The following MARCHF1 variants were observed in gnomAD, a reference collection of about 807,000 sequenced individuals.
MARCHF1 encodes the protein membrane associated ring-CH-type finger 1, also known as E3 ubiquitin-protein ligase MARCHF1.
MARCHF1 carries 40 observed loss-of-function variants against 54.2 expected under a neutral mutation model. The observed-to-expected ratio is 0.74, with a 90% CI of 0.57 to 0.96. MARCHF1 has a LOEUF of 0.96. Ranked by LOEUF, MARCHF1 falls within the 40% of genes least tolerant of loss-of-function variation. The pLI, the probability that MARCHF1 is intolerant of heterozygous loss-of-function variation, is 0.00. For synonymous variants in MARCHF1, 236 were observed against 236.3 expected (o/e 1.00, Z 0.01); for missense variants, 586 against 656.5 (o/e 0.89, Z 1.17).
chr4:163,972,863 T>C (rs763367000), intron 3 of MARCHF1, among the ~76,000 whole-genome samples: 28 of 152,090 alleles, frequency 1.8e-4, no homozygotes, highest in Non-Finnish European at 3.7e-4. Flanking sequence ...GGCCTTAATG[T>C]ATATGTTTAA....
chr4:164,222,465 G>A (rs1732142348), intron 1 of MARCHF1, among the ~76,000 whole-genome samples: 1 of 151,938 alleles, frequency 6.6e-6, no homozygotes, highest in African/African-American at 2.4e-5. Context: ...TTTGTAAAGG[G>A]AAAAATGGCT....
intron 5 of MARCHF1, among the ~76,000 whole-genome samples, chr4:163,678,906 A>G (rs1324113659): frequency 3.3e-5 from 5 of 152,206 alleles, no homozygotes; most frequent in African/African-American, 1.2e-4. Flanking sequence ...TGTAGATAAA[A>G]TAATTTTATT....
At chr4:163,953,356 G>C (rs926813755) in intron 3 of MARCHF1, among the ~76,000 whole-genome samples, 1 of 152,082 alleles carries the variant, frequency 6.6e-6, no homozygotes, top group Non-Finnish European at 1.5e-5. Context: ...TTTAAGGCTT[G>C]ATTTTTTCTC....
At chr4:164,267,993 A>G (rs1335838764) in intron 1 of MARCHF1, among the ~76,000 whole-genome samples, 1 of 147,686 alleles carries the variant, frequency 6.8e-6, no homozygotes, top group Admixed American at 6.7e-5. Context: ...GCCAGGTAGG[A>G]AAAAAAAATC....
At chr4:163,918,099 A>T (rs1436333364) in intron 3 of MARCHF1, among the ~76,000 whole-genome samples, 2 of 151,942 alleles carry the variant, frequency 1.3e-5, no homozygotes, top group Admixed American at 1.3e-4. Context: ...TCCACTTTCA[A>T]TTTTCTGTAT....
intron 3 of MARCHF1, among the ~76,000 whole-genome samples, chr4:163,897,841 G>A (rs1750845281): frequency 1.3e-5 from 2 of 151,884 alleles, no homozygotes; most frequent in Non-Finnish European, 2.9e-5. Flanking sequence ...TGGATCACGA[G>A]GTCAGGAGAT....
intron 8 of MARCHF1, among the ~76,000 whole-genome samples, chr4:163,561,892 G>A (rs1041256678): frequency 6.6e-6 from 1 of 152,070 alleles, no homozygotes; most frequent in Non-Finnish European, 1.5e-5. Context: ...CTACTGACTT[G>A]CTTACTTCTT....
At chr4:163,709,897 T>A (rs1164612595) in intron 4 of MARCHF1, among the ~76,000 whole-genome samples, 1 of 152,174 alleles carries the variant, frequency 6.6e-6, no homozygotes, top group Non-Finnish European at 1.5e-5. Context: ...TATTTCAAAT[T>A]GTAAAGCACT....
chr4:163,548,333 T>C (rs78504898), intron 8 of MARCHF1, among the ~76,000 whole-genome samples: 1,992 of 152,302 alleles, frequency 0.013, 36 homozygotes, highest in African/African-American at 0.045. Flanking sequence ...GAAATATTCA[T>C]ATCAAATCAA....
chr4:163,808,328 C>A (rs1220825165), intron 4 of MARCHF1, among the ~76,000 whole-genome samples: 2 of 152,110 alleles, frequency 1.3e-5, no homozygotes, highest in Non-Finnish European at 2.9e-5. Flanking sequence ...GCAGGCCTGC[C>A]CCAGCTTAAC....
chr4:163,838,873 C>A (rs1403453532), intron 4 of MARCHF1, among the ~76,000 whole-genome samples: 1 of 151,930 alleles, frequency 6.6e-6, no homozygotes, highest in Non-Finnish European at 1.5e-5. Flanking sequence ...ACACTAACAG[C>A]ACCGGTGATA....
chr4:164,064,254 G>A (rs1478655641), intron 2 of MARCHF1, among the ~76,000 whole-genome samples: 2 of 152,126 alleles, frequency 1.3e-5, no homozygotes, highest in Admixed American at 6.5e-5. Context: ...GTTTTGGGTG[G>A]TATGGCCATT....
intron 3 of MARCHF1, among the ~76,000 whole-genome samples, chr4:163,867,621 T>A (rs945345404): frequency 1.3e-5 from 2 of 151,834 alleles, no homozygotes; most frequent in Non-Finnish European, 2.9e-5. Context: ...CTACCAAGGC[T>A]TTCTTTTTTT....
At chr4:163,895,163 G>C (rs1372678892) in intron 3 of MARCHF1, among the ~76,000 whole-genome samples, 1 of 152,134 alleles carries the variant, frequency 6.6e-6, no homozygotes, top group African/African-American at 2.4e-5. Context: ...AGACGTATGT[G>C]TGTATAACAA....
chr4:163,665,805 T>C (rs1400975887), intron 5 of MARCHF1, among the ~76,000 whole-genome samples: 2 of 152,182 alleles, frequency 1.3e-5, no homozygotes, highest in Non-Finnish European at 2.9e-5. Context: ...ATTATACATT[T>C]GTCTAAAAAC....
At chr4:164,178,852 T>A (rs28742886) in intron 1 of MARCHF1, among the ~76,000 whole-genome samples, 1,887 of 152,246 alleles carry the variant, frequency 0.012, 35 homozygotes, top group African/African-American at 0.04. Flanking sequence ...TACAAAGGCC[T>A]AGGGAAAATG....
chr4:164,033,969 G>T (rs1477853768), intron 2 of MARCHF1, among the ~76,000 whole-genome samples: 14 of 152,090 alleles, frequency 9.2e-5, no homozygotes, highest in Admixed American at 6.6e-5. Flanking sequence ...CAAGATACAT[G>T]CATGTATACG....
At chr4:163,729,903 C>T (rs72993189) in intron 4 of MARCHF1, among the ~76,000 whole-genome samples, 5,825 of 152,094 alleles carry the variant, frequency 0.038, 169 homozygotes, top group East Asian at 0.077. Context: ...AGTTATTATT[C>T]GCTGTGAGTT....
chr4:164,332,561 C>A (rs1249293785), intron 1 of MARCHF1, among the ~76,000 whole-genome samples: 2 of 152,080 alleles, frequency 1.3e-5, no homozygotes, highest in Non-Finnish European at 2.9e-5. Context: ...GGGCAACATT[C>A]GTGAGACAGC....
Sources: gnomAD v4.1 joint callset for allele counts (sites outside exome capture counted in the v4.1 genomes callset) on GRCh38, gnomAD v4.1.1 for gene constraint, MANE v1.5 for transcripts, NCBI Gene and HGNC (gene_info 2026-07-23, HGNC 2026-07-21) for gene names.